Variants in LARS2 observed in about 807,000 individuals in gnomAD.
LARS2 encodes the protein leucine--tRNA ligase, mitochondrial.
Under a neutral mutation model 116.6 loss-of-function variants are expected in LARS2, and 81 were observed. That is an observed-to-expected ratio of 0.69 (90% CI 0.58 to 0.84). The LOEUF (loss-of-function observed/expected upper bound fraction) is 0.84, where lower values mean the gene tolerates loss of function less well. Ranked by LOEUF, LARS2 falls within the 40% of genes least tolerant of loss-of-function variation. The pLI, the probability that LARS2 is intolerant of heterozygous loss-of-function variation, is 0.00. For missense variants in LARS2, 968 were observed against 1,114.5 expected, an observed-to-expected ratio of 0.87 and a Z score of 1.87; for synonymous variants, 396 against 407.2, an observed-to-expected ratio of 0.97 and a Z score of 0.33.
Position 45,548,564 on chromosome 3 carries a change from A to C in LARS2, c.*1034A>C, listed in dbSNP as rs2125775081. The C allele has an allele frequency of 6.6e-6, 1 of 152,360 alleles. No homozygotes were observed. Among genetic ancestry groups the C allele is most frequent in the East Asian group, 1.9e-4 (1 of 5,184 alleles). The allele number at this position is 152,360 out of a possible 1,614,324, so 9.4% of individuals were successfully genotyped here. On this transcript the variant is annotated 3_prime_UTR_variant, in exon 22 of 22. Coordinates refer to ENST00000645846, the MANE Select transcript of LARS2 (RefSeq NM_015340.4). ...AGCCACAGCGGTCTGGCTGTTGGGAAGATGGCCAGGAATGGACTCATACCA... is the reference window on the plus strand; with the variant it reads ...AGCCACAGCGGTCTGGCTGTTGGGACGATGGCCAGGAATGGACTCATACCA...
intron 3 of LARS2, among the ~76,000 whole-genome samples, chr3:45,398,472 A>G (rs1698087677): frequency 6.6e-6 from 1 of 152,266 alleles, no homozygotes; most frequent in Non-Finnish European, 1.5e-5. Flanking sequence ...GCAAATTCTT[A>G]AAGAACTGGA....
chr3:45,403,677 A>G (rs1365476870), intron 4 of LARS2, among the ~76,000 whole-genome samples: 1 of 152,072 alleles, frequency 6.6e-6, no homozygotes, highest in Non-Finnish European at 1.5e-5. Flanking sequence ...ATTTCCTTGG[A>G]TGGGATGAGA....
At chr3:45,479,752 A>C (rs1012669083) in intron 10 of LARS2, among the ~76,000 whole-genome samples, 1 of 152,238 alleles carries the variant, frequency 6.6e-6, no homozygotes, top group African/African-American at 2.4e-5. Context: ...AAAGGCATCA[A>C]TGGGGAAATA....
intron 15 of LARS2, among the ~76,000 whole-genome samples, chr3:45,503,115 C>T (rs1398675309): frequency 1.3e-5 from 2 of 151,782 alleles, no homozygotes; most frequent in Non-Finnish European, 2.9e-5. Flanking sequence ...GTGTTAGCTT[C>T]TCCCTGTTGC....
At chr3:45,546,490 C>T (rs917248473) in intron 21 of LARS2, among the ~76,000 whole-genome samples, 4 of 152,094 alleles carry the variant, frequency 2.6e-5, no homozygotes, top group East Asian at 3.9e-4. Flanking sequence ...CCAAGTTCTG[C>T]AAAACTGAAA....
chr3:45,453,753 A>T (rs1699172281), intron 7 of LARS2, among the ~76,000 whole-genome samples: 3 of 152,196 alleles, frequency 2.0e-5, no homozygotes, highest in Admixed American at 2.0e-4. Flanking sequence ...TTTGTCAAGA[A>T]AGAAGCTAAT....
Position 45,394,584 on chromosome 3 carries a change from C to T in LARS2, c.131C>T (p.Thr44Met), listed in dbSNP as rs781238503. 8.1e-6 allele frequency: 13 copies of T among 1,613,778 alleles called. No homozygotes were observed. The highest frequency in any genetic ancestry group is 6.7e-5 in the African/African-American group (5 of 74,840). The change falls in exon 3 of 22, where the codon ACG (threonine) becomes ATG (methionine). Residue 44 changes from threonine (T) to methionine (M), a missense_variant. Thr to Met is a moderately conservative substitution (Grantham distance 81). Transcript: ENST00000645846. The stretch of plus-strand genomic sequence containing the variant: ...TGTACCAGAAGCATCTACAGTGCCA[C>T]GGGAAAGTGGACAAAAGAGTATACA... ...PGCTRSIYSA[T>M]GKWTKEYTLQ...
chr3:45,496,354 G>T lies in LARS2; in HGVS notation c.1603G>T (p.Asp535Tyr). The change falls in exon 14 of 22, where the codon GAC (aspartate) becomes TAC (tyrosine). Residue 535 changes from aspartate to tyrosine, a missense_variant. Asp to Tyr is a radical substitution (Grantham distance 160, BLOSUM62 -3). Coordinates refer to ENST00000645846, the MANE Select transcript of LARS2 (RefSeq NM_015340.4). ...TGCTTGGTACTACTTCAGATACACT[G>T]ACCCTCATAATCCACACAGGTAAAA... The part of the protein sequence containing the change: ...DSAWYYFRYT[D>Y]PHNPHSPFNT... 6.2e-7 allele frequency: 1 copy of T among 1,613,618 alleles called. No homozygotes were observed. Among genetic ancestry groups the T allele is most frequent in the South Asian group, 1.1e-5 (1 of 91,046 alleles).
chr3:45,459,965 G>A (rs181764202), intron 8 of LARS2, among the ~76,000 whole-genome samples: 2 of 152,256 alleles, frequency 1.3e-5, no homozygotes, highest in African/African-American at 4.8e-5. Flanking sequence ...AACTGAAATG[G>A]ACTCTGGGTT....
chr3:45,406,459 G>A (rs1466211426), intron 4 of LARS2, among the ~76,000 whole-genome samples: 5 of 152,154 alleles, frequency 3.3e-5, no homozygotes, highest in African/African-American at 1.2e-4. Flanking sequence ...GGTTCTCTAG[G>A]TTGGAAAATA....
chr3:45,412,062 G>C (rs535000666), intron 4 of LARS2, among the ~76,000 whole-genome samples: 1 of 152,058 alleles, frequency 6.6e-6, no homozygotes, highest in Non-Finnish European at 1.5e-5. Context: ...TGCTGTAAAC[G>C]TACCACATTT....
intron 11 of LARS2, among the ~76,000 whole-genome samples, chr3:45,487,656 G>A (rs927235412): frequency 3.9e-5 from 6 of 152,012 alleles, no homozygotes; most frequent in African/African-American, 1.4e-4. Flanking sequence ...CTCAGGGAGT[G>A]CTATTGGTAC....
At chr3:45,439,563 G>A (rs1348500488) in intron 6 of LARS2, among the ~76,000 whole-genome samples, 1 of 151,294 alleles carries the variant, frequency 6.6e-6, no homozygotes, top group African/African-American at 2.4e-5. Flanking sequence ...ACAGGTAGCT[G>A]CCTAATGAAG....
At position 45,496,269 on chromosome 3, in the gene LARS2, T is replaced by C. The variant is rs1559487812; in HGVS notation, c.1524-6T>C. The C allele has an allele frequency of 6.2e-7, 1 of 1,606,980 alleles. No homozygotes were observed. Among genetic ancestry groups the C allele is most frequent in the South Asian group, 1.1e-5 (1 of 90,890 alleles). On this transcript the variant is annotated splice_polypyrimidine_tract_variant and splice_region_variant and intron_variant, in intron 13 of 21. Transcript: ENST00000645846. ...AACCAATTGATGAATTTCATTTCTT[T>C]CTTAGGTGCAAGGGAGCAGCCAAGA... is the stretch of plus-strand genomic sequence containing the variant.
At chr3:45,487,712 C>T (rs1699839633) in intron 11 of LARS2, among the ~76,000 whole-genome samples, 1 of 151,936 alleles carries the variant, frequency 6.6e-6, no homozygotes, top group South Asian at 2.1e-4. Context: ...CAACAAAGTC[C>T]ACAATGTCAG....
chr3:45,502,698 A>G (rs564286530), intron 15 of LARS2, among the ~76,000 whole-genome samples: 3 of 152,290 alleles, frequency 2.0e-5, no homozygotes, highest in African/African-American at 7.2e-5. Context: ...GGCATGAGCC[A>G]CTGTGCCCAG....
chr3:45,489,235 G>T (rs1250966485), intron 12 of LARS2, among the ~76,000 whole-genome samples: 1 of 152,168 alleles, frequency 6.6e-6, no homozygotes, highest in East Asian at 1.9e-4. Flanking sequence ...TTTGGTCAGG[G>T]TTATCTCTTG....
intron 7 of LARS2, among the ~76,000 whole-genome samples, chr3:45,457,734 C>T (rs576846037): frequency 2.0e-5 from 3 of 152,272 alleles, no homozygotes; most frequent in East Asian, 3.9e-4. Flanking sequence ...TTTAAGTCCC[C>T]AACACACCCC....
intron 16 of LARS2, among the ~76,000 whole-genome samples, chr3:45,514,451 C>A (rs571066444): frequency 1.6e-4 from 25 of 152,140 alleles, no homozygotes; most frequent in Non-Finnish European, 2.6e-4. Context: ...TTATAACGGT[C>A]CGTGGGAGAA....
Sources: gnomAD v4.1 joint callset for allele counts (sites outside exome capture counted in the v4.1 genomes callset) on GRCh38, gnomAD v4.1.1 for gene constraint, MANE v1.5 for transcripts, NCBI Gene and HGNC (gene_info 2026-07-23, HGNC 2026-07-21) for gene names.